The following SLC39A14 variants were observed in gnomAD, a reference collection of about 807,000 sequenced individuals.
SLC39A14 encodes solute carrier family 39 member 14.
SLC39A14 carries 19 observed loss-of-function variants against 45.5 expected under a neutral mutation model. That is an observed-to-expected ratio of 0.42 (90% CI 0.29 to 0.61). SLC39A14 has a LOEUF of 0.61. Among genes scored for constraint, SLC39A14 ranks in the 20% least tolerant of loss-of-function variants. The probability of loss-of-function intolerance (pLI) is 0.22; values close to 1 mark genes in which losing one functional copy is unlikely to be tolerated. For missense variants in SLC39A14, 447 were observed against 616.5 expected (o/e 0.73, Z 2.91); for synonymous variants, 264 against 251.3 (o/e 1.05, Z -0.48).
rs1563589403 is a variant in SLC39A14, at chr8:22,412,191, C to T, written c.612C>T (p.Phe204=). Residue 204 remains phenylalanine (F), a synonymous_variant, in exon 4 of 9, where the codon TTC becomes TTT. Transcript: ENST00000381237. The part of the protein sequence containing the change: ...AIGTLYSNAL[F]QLIPEAFGFN... ...GAACCCTCTACTCCAACGCCCTCTT[C>T]CAGCTCATCCCGGAGGTATGGCAAG... is the stretch of plus-strand genomic sequence containing the variant. 1.3e-6 allele frequency: 2 copies of T among 1,551,692 alleles called. No individual in the cohort carries two copies. Among genetic ancestry groups the T allele is most frequent in the Non-Finnish European group, 1.7e-6 (2 of 1,146,994 alleles).
intron 1 of SLC39A14, among the ~76,000 whole-genome samples, chr8:22,395,518 T>A (rs765332140): frequency 1.3e-5 from 2 of 152,250 alleles, no homozygotes; most frequent in Non-Finnish European, 2.9e-5. Context: ...CGCCAAAGTC[T>A]GATTGCAAAA....
At chr8:22,379,927 C>CAAAAA (rs35093772) in intron 1 of SLC39A14, among the ~76,000 whole-genome samples, 270 of 84,988 alleles carry the variant, frequency 3.2e-3, no homozygotes, top group Middle Eastern at 6.3e-3. Flanking sequence ...GACTCCATCT[C>CAAAAA]AAAAAAAAAA....
chr8:22,414,293 A>G (rs889572379), intron 4 of SLC39A14, among the ~76,000 whole-genome samples: 4 of 152,150 alleles, frequency 2.6e-5, no homozygotes, highest in East Asian at 1.9e-4. Flanking sequence ...GGTTAGGAAA[A>G]CGCTGCAGTT....
intron 5 of SLC39A14, chr8:22,415,534 A>C (rs1042735637): frequency 4.4e-6 from 2 of 451,270 alleles, no homozygotes; most frequent in Non-Finnish European, 7.8e-6. Flanking sequence ...CAGCTCAAGC[A>C]GTCCTCCCAC....
rs372991244 is a variant in SLC39A14 at position 22,404,980 on chromosome 8, G to A, written c.270G>A (p.Thr90=). The A allele has an allele frequency of 3.7e-6, 6 of 1,612,828 alleles. No individual in the cohort carries two copies. The highest frequency in any genetic ancestry group is 1.1e-5 in the South Asian group (1 of 90,946). The change falls in exon 2 of 9, where the codon ACG becomes ACA. Residue 90 remains threonine, a splice_region_variant and synonymous_variant. Coordinates refer to ENST00000381237, the MANE Select transcript of SLC39A14 (RefSeq NM_001128431.4). ...QHVQGHRNLS[T]CFSSGDLFTA... is the part of the protein sequence containing the mutation. ...TGCAAGGACACAGGAACCTCTCCAC[G>A]GTAAGGCTCCCCTGTGAGCCAGCAG... is the stretch of plus-strand genomic sequence containing the variant.
intron 3 of SLC39A14, chr8:22,409,939 T>A: frequency 6.2e-7 from 1 of 1,613,836 alleles, no homozygotes; most frequent in Non-Finnish European, 8.5e-7. Context: ...TTCTTGTTCC[T>A]CCACAGTGTG....
At chr8:22,432,376 G>A (rs544428804) in intron 8 of SLC39A14, among the ~76,000 whole-genome samples, 3 of 131,332 alleles carry the variant, frequency 2.3e-5, no homozygotes, top group African/African-American at 8.0e-5. Context: ...AAAGAAAAGT[G>A]CTTCCTTCTT....
chr8:22,369,256 T>G (rs73670409), intron 1 of SLC39A14, among the ~76,000 whole-genome samples: 10,535 of 152,264 alleles, frequency 0.069, 443 homozygotes, highest in South Asian at 0.19. Context: ...TTTACTCATC[T>G]GGCCTCTGGG....
chr8:22,416,249 C>T lies in SLC39A14; in HGVS notation c.1116C>T (p.Ala372=), dbSNP rs1835873101. The change falls in exon 7 of 9, where the codon GCC becomes GCT. Residue 372 remains alanine (A), a synonymous_variant. Coordinates refer to ENST00000381237, the MANE Select transcript of SLC39A14 (RefSeq NM_001128431.4). The part of the protein sequence containing the change: ...SVFQGISTSV[A]ILCEEFPHEL... ...TCCAAGGCATCAGCACCTCGGTGGC[C>T]ATCCTCTGTGAGGAGTTCCCACATG... 1 of 1,613,250 alleles carries T rather than the reference C, an allele frequency of 6.2e-7. No homozygotes were observed. The highest frequency in any genetic ancestry group is 8.5e-7 in the Non-Finnish European group (1 of 1,180,016).
At chr8:22,388,292 T>G (rs990594804) in intron 1 of SLC39A14, among the ~76,000 whole-genome samples, 1 of 152,110 alleles carries the variant, frequency 6.6e-6, no homozygotes, top group African/African-American at 2.4e-5. Context: ...CTTCACACCT[T>G]GTGGAGAGAG....
At chr8:22,412,246 G>C in intron 4 of SLC39A14, 40 bp downstream of exon 4, 1 of 1,543,800 alleles carries the variant, frequency 6.5e-7, no homozygotes. Flanking sequence ...GCATGCCGGC[G>C]GGCACAGTGG....
At chr8:22,368,094 G>A (rs563558134) in intron 1 of SLC39A14, among the ~76,000 whole-genome samples, 6 of 152,234 alleles carry the variant, frequency 3.9e-5, no homozygotes, top group South Asian at 2.1e-4. Context: ...CACTTTTGAG[G>A]ATCTGGTGCT....
intron 1 of SLC39A14, among the ~76,000 whole-genome samples, chr8:22,399,780 C>G (rs1262098911): frequency 6.6e-6 from 1 of 152,258 alleles, no homozygotes; most frequent in Admixed American, 6.5e-5. Flanking sequence ...GTAAATGCTT[C>G]GTAGATGCTC....
Position 22,417,619 on chromosome 8 carries a change from C to T in SLC39A14, c.1148-32C>T, listed in dbSNP as rs202035646. On this transcript the variant is annotated intron_variant, in intron 7 of 8. Coordinates refer to ENST00000381237, the MANE Select transcript of SLC39A14 (RefSeq NM_001128431.4). The stretch of plus-strand genomic sequence containing the variant: ...CATGCCCATCTTACTCTTCCTTCCT[C>T]GTCCCTCCCCTTTTCATTCTCGCTG... The T allele has an allele frequency of 1.6e-3, 2,602 of 1,591,110 alleles. 41 individuals carry two copies. In the South Asian group the frequency reaches 0.019, roughly 12 times the overall value.
At chr8:22,425,340 A>G (rs17583131), downstream of SLC39A14, among the ~76,000 whole-genome samples, 3,067 of 152,242 alleles carry the variant, frequency 0.02, 242 homozygotes, top group East Asian at 0.24. Flanking sequence ...GTGGAAGGTG[A>G]AATAACTGAA....
At chr8:22,401,358 T>C (rs78250392) in intron 1 of SLC39A14, among the ~76,000 whole-genome samples, 18,011 of 152,140 alleles carry the variant, frequency 0.12, 1,249 homozygotes, top group Non-Finnish European at 0.16. Context: ...GCTGCAGTGA[T>C]TGGCTGCTTC....
At chr8:22,368,667 G>A (rs1040651188) in intron 1 of SLC39A14, among the ~76,000 whole-genome samples, 2 of 152,112 alleles carry the variant, frequency 1.3e-5, no homozygotes, top group Non-Finnish European at 2.9e-5. Context: ...CTCCCGAGTA[G>A]CTGGGACTAC....
intron 7 of SLC39A14, among the ~76,000 whole-genome samples, chr8:22,416,527 C>T (rs1057507961): frequency 6.6e-6 from 1 of 152,000 alleles, no homozygotes; most frequent in African/African-American, 2.4e-5. Context: ...TGGGTTCAAG[C>T]GATTCTCCTG....
At chr8:22,375,336 G>A (rs76848223) in intron 1 of SLC39A14, among the ~76,000 whole-genome samples, 5,573 of 151,988 alleles carry the variant, frequency 0.037, 316 homozygotes, top group African/African-American at 0.13. Flanking sequence ...TTGGGGGAAA[G>A]TCGATAATCC....
Sources: gnomAD v4.1 joint callset for allele counts (sites outside exome capture counted in the v4.1 genomes callset) on GRCh38, gnomAD v4.1.1 for gene constraint, MANE v1.5 for transcripts, NCBI Gene and HGNC (gene_info 2026-07-23, HGNC 2026-07-21) for gene names.